NMD3: variants seen among roughly 807,000 people sequenced by gnomAD.
The protein encoded by NMD3 is 60S ribosomal export protein NMD3.
Under a neutral mutation model 73.1 loss-of-function variants are expected in NMD3, and 47 were observed. That is an observed-to-expected ratio of 0.64 (90% CI 0.51 to 0.82). NMD3 has a LOEUF of 0.82. Among genes scored for constraint, NMD3 ranks in the 40% least tolerant of loss-of-function variants. The probability of loss-of-function intolerance (pLI) is 0.00; values close to 1 mark genes in which losing one functional copy is unlikely to be tolerated. For synonymous variants in NMD3, 210 were observed against 194.5 expected, an observed-to-expected ratio of 1.08 and a Z score of -0.66; for missense variants, 554 against 612.5, an observed-to-expected ratio of 0.90 and a Z score of 1.01.
At chr3:161,246,488 G>C in intron 12 of NMD3, 40 bp downstream of exon 12, 1 of 861,778 alleles carries the variant, frequency 1.2e-6, no homozygotes, top group South Asian at 2.2e-5. Context: ...AATTAGGATT[G>C]CAAATTTTCT....
At chr3:161,228,424 T>C (rs1736410383) in intron 4 of NMD3, among the ~76,000 whole-genome samples, 1 of 152,160 alleles carries the variant, frequency 6.6e-6, no homozygotes, top group Non-Finnish European at 1.5e-5. Context: ...TTACTTTATC[T>C]TCTAATCTTT....
intron 9 of NMD3, 61 bp downstream of exon 9, chr3:161,238,887 T>C (rs1736869041): frequency 1.2e-6 from 1 of 813,306 alleles, no homozygotes; most frequent in Non-Finnish European, 2.0e-6. Flanking sequence ...AATTGGCTTA[T>C]ATGTAATTTG....
At chr3:161,234,952 C>T (rs1020946112) in intron 6 of NMD3, 97 bp downstream of exon 6, 3 of 1,253,876 alleles carry the variant, frequency 2.4e-6, no homozygotes, top group African/African-American at 3.0e-5. Flanking sequence ...TAGTCTGGGT[C>T]CCTGAAGCAT....
intron 4 of NMD3, among the ~76,000 whole-genome samples, chr3:161,232,787 C>T (rs1005751449): frequency 1.3e-5 from 2 of 152,186 alleles, no homozygotes; most frequent in Non-Finnish European, 2.9e-5. Context: ...CAGGTTATTA[C>T]AGCAGCCTCC....
At position 161,250,993 on chromosome 3, in the gene NMD3, A is replaced by G; in HGVS notation, c.*83A>G. On this transcript the variant is annotated 3_prime_UTR_variant, in exon 16 of 16. Coordinates refer to ENST00000351193, the MANE Select transcript of NMD3 (RefSeq NM_015938.5). The stretch of plus-strand genomic sequence containing the variant: ...AAGTGTCTCTACTATCTTTGCCTCC[A>G]GATTTCAAGAGGAGAAATTTAGTTT... The G allele has an allele frequency of 9.2e-7, 1 of 1,091,860 alleles. No individual in the cohort carries two copies. Among genetic ancestry groups the G allele is most frequent in the Non-Finnish European group, 1.3e-6 (1 of 763,500 alleles). The allele number at this position is 1,091,860 out of a possible 1,614,324, so 67.6% of individuals were successfully genotyped here.
chr3:161,252,357 C>T (rs1475181252), downstream of NMD3: 2 of 152,354 alleles, frequency 1.3e-5, no homozygotes, highest in African/African-American at 4.8e-5. Flanking sequence ...ACGCAATTTT[C>T]CAAAGTAGAA....
At chr3:161,241,516 G>T (rs1282898996) in intron 10 of NMD3, among the ~76,000 whole-genome samples, 1 of 151,242 alleles carries the variant, frequency 6.6e-6, no homozygotes, top group Non-Finnish European at 1.5e-5. Flanking sequence ...CGCCTCCCAG[G>T]TTCAAGCTAT....
chr3:161,243,489 T>C (rs537770647), intron 11 of NMD3, among the ~76,000 whole-genome samples: 2 of 152,330 alleles, frequency 1.3e-5, no homozygotes, highest in East Asian at 1.9e-4. Context: ...AGGTATTCAA[T>C]TGGAGACCAC....
chr3:161,224,694 C>T (rs1244489567), intron 2 of NMD3, among the ~76,000 whole-genome samples: 2 of 151,830 alleles, frequency 1.3e-5, no homozygotes, highest in African/African-American at 4.8e-5. Context: ...ACCATGTTGG[C>T]GAGGCTGGTC....
In NMD3 at chr3:161,249,545, A is replaced by T. The variant is rs1197882242; in HGVS notation, c.1295A>T (p.Asp432Val). The change falls in exon 14 of 16, where the codon GAT becomes GTT. Residue 432 changes from aspartate to valine, a missense_variant. By Grantham distance (152) the Asp-to-Val change is radical. Transcript: ENST00000351193. ...CTTGCAAGAGAGAGAGAAAACATGG[A>T]TACAGATGATGAAAGGTCTCGCTTT... ...KELARERENM[D>V]TDDERQYQDF... 1 of 1,601,750 alleles carries T rather than the reference A, an allele frequency of 6.2e-7. No homozygotes were observed.
downstream of NMD3, chr3:161,253,004 G>C (rs1711505173): frequency 3.1e-6 from 1 of 325,368 alleles, no homozygotes; most frequent in East Asian, 5.4e-5. Flanking sequence ...CGCTGAGGCA[G>C]GAGAATCACT....
intron 2 of NMD3, among the ~76,000 whole-genome samples, chr3:161,223,823 T>C (rs950284634): frequency 6.6e-6 from 1 of 152,372 alleles, no homozygotes; most frequent in Admixed American, 6.5e-5. Context: ...GCCTTGTTAA[T>C]TGATTCTTTC....
Position 161,250,343 on chromosome 3 carries a change from T to A in NMD3, c.1381+17T>A, listed in dbSNP as rs1403781458. ...TTTACAGAGGTTGGTGTTCTAGGAG[T>A]GTTTAAGTCATTTGTTCTGTATATA... On this transcript the variant is annotated intron_variant, in intron 15 of 15. Transcript: ENST00000351193. 4 of 1,507,912 alleles carry A rather than the reference T, an allele frequency of 2.7e-6. No homozygotes were observed. Among genetic ancestry groups the A allele is most frequent in the African/African-American group, 1.4e-5 (1 of 72,528 alleles). 93.4% of individuals were successfully genotyped at this position (1,507,912 alleles called of 1,614,324 possible).
intron 4 of NMD3, among the ~76,000 whole-genome samples, chr3:161,228,440 G>T (rs1281651919): frequency 2.6e-5 from 4 of 151,680 alleles, no homozygotes; most frequent in Admixed American, 6.6e-5. Context: ...TCTTTCTAAT[G>T]AATTGTTTTT....
chr3:161,246,894 G>T (rs1737231904), intron 12 of NMD3, among the ~76,000 whole-genome samples: 1 of 151,238 alleles, frequency 6.6e-6, no homozygotes. Context: ...TATTGCTTTT[G>T]CTTTTAGGAT....
chr3:161,236,280 T>C (rs1736755245), intron 7 of NMD3, among the ~76,000 whole-genome samples: 1 of 152,136 alleles, frequency 6.6e-6, no homozygotes, highest in Non-Finnish European at 1.5e-5. Context: ...ACTACCAAAC[T>C]GCTTCAAAGT....
chr3:161,227,392 G>A (rs748999631), intron 4 of NMD3, 49 bp downstream of exon 4: 1 of 1,061,520 alleles, frequency 9.4e-7, no homozygotes, highest in Non-Finnish European at 1.4e-6. Context: ...TTTCATTAAA[G>A]GTCTCATTTT....
chr3:161,221,971 T>C lies in NMD3; in HGVS notation c.-20-23T>C, dbSNP rs1560061539. ...TCCCAACATTCTCTTTTTTTTTTTT[T>C]TTTTTTTTTTTTTTTTTAAAAGAAC... On this transcript the variant is annotated intron_variant, in intron 1 of 15. Coordinates refer to ENST00000351193, the MANE Select transcript of NMD3 (RefSeq NM_015938.5). 5.4e-5 allele frequency: 26 copies of C among 478,644 alleles called. No individual in the cohort carries two copies. The African/African-American group carries it at 8.6e-4, about 16-fold the overall frequency. The allele number at this position is 478,644 out of a possible 1,614,324, so 29.6% of individuals were successfully genotyped here.
chr3:161,232,885 G>T (rs1197955970), intron 4 of NMD3, among the ~76,000 whole-genome samples: 1 of 151,744 alleles, frequency 6.6e-6, no homozygotes, highest in Non-Finnish European at 1.5e-5. Flanking sequence ...ATAGCAAACT[G>T]TTTTGGCCTA....
Sources: allele counts gnomAD v4.1 joint callset (sites outside exome capture counted in the v4.1 genomes callset), GRCh38; gene constraint gnomAD v4.1.1; transcripts MANE v1.5; gene names NCBI Gene and HGNC (gene_info 2026-07-23, HGNC 2026-07-21).